The following PSMB2 variants were observed in gnomAD, a reference collection of about 807,000 sequenced individuals.
The protein encoded by PSMB2 is proteasome subunit beta type-2.
In PSMB2, 13 loss-of-function variants were observed where a neutral mutation model predicts 25.7. The observed-to-expected ratio is 0.51, with a 90% CI of 0.33 to 0.80. The LOEUF (loss-of-function observed/expected upper bound fraction) is 0.80. Ranked by LOEUF, PSMB2 falls within the 30% of genes least tolerant of loss-of-function variation. The probability of loss-of-function intolerance (pLI) is 0.02; values close to 1 mark genes in which losing one functional copy is unlikely to be tolerated. For synonymous variants in PSMB2, 87 were observed against 96.2 expected, an observed-to-expected ratio of 0.90 and a Z score of 0.56; for missense variants, 202 against 259.0, an observed-to-expected ratio of 0.78 and a Z score of 1.51.
intron 3 of PSMB2, among the ~76,000 whole-genome samples, chr1:35,618,408 C>A (rs973245503): frequency 6.6e-6 from 1 of 151,866 alleles, no homozygotes; most frequent in African/African-American, 2.4e-5. Flanking sequence ...TGAAGAGTTT[C>A]ATTCATATGA....
chr1:35,636,241 A>G (rs940710138), intron 2 of PSMB2, 69 bp downstream of exon 2: 1 of 1,575,042 alleles, frequency 6.3e-7, no homozygotes, highest in Non-Finnish European at 8.7e-7. Flanking sequence ...TAAGCCACCC[A>G]GTCTGTGACT....
In PSMB2 at chr1:35,636,354, G is replaced by T; in HGVS notation, c.170C>A (p.Ala57Glu). The T allele has an allele frequency of 1.2e-6, 2 of 1,613,998 alleles. No individual in the cohort carries two copies. Among genetic ancestry groups the T allele is most frequent in the Non-Finnish European group, 1.7e-6 (2 of 1,179,972 alleles). The change falls in exon 2 of 6, where the codon GCA becomes GAA. Residue 57 changes from alanine (A) to glutamate (E), a missense_variant. Coordinates refer to ENST00000373237, the MANE Select transcript of PSMB2 (RefSeq NM_002794.5). ...VGEAGDTVQF[A>E]EYIQKNVQLY... ...TTGCACGTTTTTCTGAATATATTCT[G>T]CAAACTGTACAGTGTCTCCAGCCTC...
intron 3 of PSMB2, among the ~76,000 whole-genome samples, chr1:35,612,608 G>A (rs1315808031): frequency 6.6e-6 from 1 of 152,174 alleles, no homozygotes; most frequent in East Asian, 1.9e-4. Context: ...AAGAGAGAAA[G>A]AGGGAGGAAA....
chr1:35,626,606 A>G (rs932291716), intron 3 of PSMB2, among the ~76,000 whole-genome samples: 1 of 152,230 alleles, frequency 6.6e-6, no homozygotes, highest in African/African-American at 2.4e-5. Context: ...TAAAGAAGAC[A>G]CCATGAAAGA....
Position 35,600,218 on chromosome 1 carries a change from T to C in PSMB2, c.*3049A>G, listed in dbSNP as rs192671682. 100 of 985,368 alleles carry C rather than the reference T, an allele frequency of 1.0e-4. No homozygotes were observed. The African/African-American group carries it at 1.7e-3, about 16-fold the overall frequency. The allele number at this position is 985,368 out of a possible 1,614,324, so 61.0% of individuals were successfully genotyped here. A position where few individuals can be genotyped will look rare whatever the true frequency, so the allele number is the denominator to read the frequency against. ...GAAATGCCAGAACTTGGTGGCCATG[T>C]AGAGACAGGAGATAAAGAATGGCAT... On this transcript the variant is annotated 3_prime_UTR_variant, in exon 6 of 6. Transcript: ENST00000373237.
intron 1 of PSMB2, among the ~76,000 whole-genome samples, chr1:35,639,154 C>T (rs976204910): frequency 1.3e-5 from 2 of 151,554 alleles, no homozygotes; most frequent in South Asian, 2.1e-4. Flanking sequence ...CTTGGAAGGC[C>T]GAGGCAGGAG....
intron 1 of PSMB2, among the ~76,000 whole-genome samples, 176 bp downstream of exon 1, chr1:35,641,166 G>A (rs1428928402): frequency 1.3e-5 from 2 of 152,080 alleles, no homozygotes; most frequent in African/African-American, 4.8e-5. Flanking sequence ...CTCCGGCCTG[G>A]ACAACAAGAG....
At chr1:35,606,263 C>T (rs1441630350) in intron 4 of PSMB2, among the ~76,000 whole-genome samples, 1 of 152,074 alleles carries the variant, frequency 6.6e-6, no homozygotes, top group Non-Finnish European at 1.5e-5. Flanking sequence ...AGTCAAATGT[C>T]CCTATTTGCA....
chr1:35,603,041 G>A lies in PSMB2; in HGVS notation c.*226C>T, dbSNP rs973576371. 1.9e-5 allele frequency: 25 copies of A among 1,297,452 alleles called. No homozygotes were observed. In the Admixed American group the frequency reaches 3.7e-4, roughly 19 times the overall value. The allele number at this position is 1,297,452 out of a possible 1,614,324, so 80.4% of individuals were successfully genotyped here. On this transcript the variant is annotated 3_prime_UTR_variant, in exon 6 of 6. Transcript: ENST00000373237. ...AGGGTACTGAGCGTTAATGGAGGGC[G>A]GAGCAGGAAGAAAAGTCAGACCTGG...
intron 2 of PSMB2, among the ~76,000 whole-genome samples, chr1:35,633,015 T>A (rs918732892): frequency 6.6e-6 from 1 of 150,486 alleles, no homozygotes; most frequent in Non-Finnish European, 1.5e-5. Flanking sequence ...GGGACAGGAG[T>A]TTAAGACCAG....
At chr1:35,640,071 T>TATACC (rs1651350188) in intron 1 of PSMB2, among the ~76,000 whole-genome samples, 1 of 151,490 alleles carries the variant, frequency 6.6e-6, no homozygotes, top group Admixed American at 6.6e-5. Context: ...TATACTATAC[T>TATACC]ATACTATACT....
chr1:35,602,156 C>T lies in PSMB2; in HGVS notation c.*1111G>A, dbSNP rs1162332178. The T allele has an allele frequency of 6.4e-6, 1 of 155,998 alleles. No individual in the cohort carries two copies. The highest frequency in any genetic ancestry group is 2.4e-5 in the African/African-American group (1 of 41,478). The allele number at this position is 155,998 out of a possible 1,614,324, so 9.7% of individuals were successfully genotyped here. A position where few individuals can be genotyped will look rare whatever the true frequency, so the allele number is the denominator to read the frequency against. On this transcript the variant is annotated 3_prime_UTR_variant, in exon 6 of 6. Transcript: ENST00000373237. The stretch of plus-strand genomic sequence containing the variant: ...GACCAACCTGAATGACATGGTGAGA[C>T]CCTGTCTCTATGAAAAACACAAAAA...
chr1:35,610,435 A>AGAG (rs1399762072), intron 3 of PSMB2, among the ~76,000 whole-genome samples: 1 of 151,832 alleles, frequency 6.6e-6, no homozygotes, highest in Non-Finnish European at 1.5e-5. Context: ...AAAAAGAGAA[A>AGAG]GAGAGAGAAA....
At chr1:35,610,640 C>T (rs1408061406) in intron 3 of PSMB2, among the ~76,000 whole-genome samples, 3 of 152,054 alleles carry the variant, frequency 2.0e-5, no homozygotes, top group East Asian at 1.9e-4. Context: ...GGATGACAGG[C>T]GCCCTCCACC....
chr1:35,641,154 C>T (rs1651384179), intron 1 of PSMB2, among the ~76,000 whole-genome samples, 188 bp downstream of exon 1: 1 of 152,132 alleles, frequency 6.6e-6, no homozygotes, highest in Non-Finnish European at 1.5e-5. Flanking sequence ...CGCGCCATTG[C>T]ACTCCGGCCT....
At chr1:35,614,952 T>C (rs16866314) in intron 3 of PSMB2, among the ~76,000 whole-genome samples, 1,578 of 152,310 alleles carry the variant, frequency 0.01, 32 homozygotes, top group African/African-American at 0.036. Context: ...ATTTAGGTCA[T>C]TTTGAGATTT....
chr1:35,605,394 ACGT>A, intron 4 of PSMB2, 112 bp from the exon 5 acceptor site: 8 of 1,048,182 alleles, frequency 7.6e-6, no homozygotes, highest in Admixed American at 6.3e-5. Flanking sequence ...TGCCACACAA[ACGT>A]AAAAGGCAAA....
chr1:35,628,935 A>C (rs1327704858), intron 3 of PSMB2, among the ~76,000 whole-genome samples: 2 of 152,102 alleles, frequency 1.3e-5, no homozygotes, highest in African/African-American at 4.8e-5. Context: ...AACCATAATA[A>C]AAATATGAAT....
chr1:35,630,132 A>G (rs7529663), intron 3 of PSMB2, among the ~76,000 whole-genome samples: 5,850 of 152,266 alleles, frequency 0.038, 355 homozygotes, highest in African/African-American at 0.12. Context: ...CCAAGATTGC[A>G]CCATTGCACT....
Sources: gnomAD v4.1 joint callset for allele counts (sites outside exome capture counted in the v4.1 genomes callset) on GRCh38, gnomAD v4.1.1 for gene constraint, MANE v1.5 for transcripts, NCBI Gene and HGNC (gene_info 2026-07-23, HGNC 2026-07-21) for gene names.